Variants in FYB1 observed in about 807,000 individuals in gnomAD.
FYB1 encodes FYN binding protein 1.
In FYB1, 41 loss-of-function variants were observed where a neutral mutation model predicts 94.1. The observed-to-expected ratio is 0.44, with a 90% CI of 0.34 to 0.57. FYB1 has a LOEUF of 0.57. FYB1 is among the 20% of genes least tolerant of loss of function. The pLI, the probability that FYB1 is intolerant of heterozygous loss-of-function variation, is 0.02. For missense variants in FYB1, 1,050 were observed against 976.8 expected (o/e 1.07, Z -1.00); for synonymous variants, 367 against 353.2 (o/e 1.04, Z -0.44).
At chr5:39,113,440 C>T (rs1035152837) in intron 16 of FYB1, among the ~76,000 whole-genome samples, 1 of 151,980 alleles carries the variant, frequency 6.6e-6, no homozygotes, top group African/African-American at 2.4e-5. Flanking sequence ...CGGCTTGAAA[C>T]AAATGTTTTG....
intron 1 of FYB1, among the ~76,000 whole-genome samples, chr5:39,207,380 T>C (rs1402053982): frequency 6.6e-6 from 1 of 152,202 alleles, no homozygotes; most frequent in Non-Finnish European, 1.5e-5. Context: ...ATTATGTCTC[T>C]TCAGTGGTAT....
intron 8 of FYB1, 52 bp downstream of exon 8, chr5:39,134,803 A>G (rs188013023): frequency 1.1e-5 from 18 of 1,591,116 alleles, no homozygotes; most frequent in Admixed American, 6.7e-5. Context: ...TGTACATTGA[A>G]TATTGCCTCG....
chr5:39,121,578 C>G (rs1483727271), intron 14 of FYB1, among the ~76,000 whole-genome samples: 1 of 152,050 alleles, frequency 6.6e-6, no homozygotes, highest in Non-Finnish European at 1.5e-5. Context: ...AGTCATCTTT[C>G]TTTTCTCTTG....
intron 3 of FYB1, among the ~76,000 whole-genome samples, chr5:39,151,169 G>T (rs1440757657): frequency 6.6e-6 from 1 of 152,128 alleles, no homozygotes; most frequent in African/African-American, 2.4e-5. Context: ...CTCTCAAGCA[G>T]CAACATGCTG....
intron 1 of FYB1, among the ~76,000 whole-genome samples, chr5:39,238,281 G>A (rs1419843793): frequency 1.3e-5 from 2 of 151,884 alleles, no homozygotes; most frequent in African/African-American, 4.8e-5. Flanking sequence ...GTGTATGTAC[G>A]TGTATGTGCA....
chr5:39,263,375 A>AT (rs569609269), intron 1 of FYB1, among the ~76,000 whole-genome samples: 196 of 147,686 alleles, frequency 1.3e-3, no homozygotes, highest in Middle Eastern at 7.0e-3. Flanking sequence ...ATAGTACAGG[A>AT]TTTTTTTTTT....
intron 1 of FYB1, among the ~76,000 whole-genome samples, chr5:39,234,676 A>T (rs1471346576): frequency 1.3e-5 from 2 of 152,210 alleles, no homozygotes; most frequent in African/African-American, 4.8e-5. Flanking sequence ...GATAAGGAAA[A>T]TGTGGCACAT....
rs572833727 is a variant in FYB1, at chr5:39,262,447, G to A, written c.-28+11956C>T. 2.6e-5 allele frequency among the ~76,000 whole-genome samples: 4 copies of A among 152,252 alleles called. No homozygotes were observed. The East Asian group carries it at 7.7e-4, about 29-fold the overall frequency. On this transcript the variant is annotated intron_variant, in intron 1 of 1. Transcript: ENST00000510188. The stretch of plus-strand genomic sequence containing the variant: ...AAAACTAAAACAATAATGAAGTACA[G>A]TTTTACGTGTAACAAATTGTCAAAA...
At chr5:39,240,205 A>G (rs1751143600) in intron 1 of FYB1, among the ~76,000 whole-genome samples, 1 of 152,214 alleles carries the variant, frequency 6.6e-6, no homozygotes. Flanking sequence ...TGTAAAACCT[A>G]AAACCATAAA....
At chr5:39,131,775 C>A (rs1741222024) in intron 9 of FYB1, among the ~76,000 whole-genome samples, 2 of 152,196 alleles carry the variant, frequency 1.3e-5, no homozygotes, top group South Asian at 4.1e-4. Context: ...GGCTGCCACT[C>A]TTGGCAGATA....
intron 2 of FYB1, among the ~76,000 whole-genome samples, chr5:39,194,219 G>C (rs997645083): frequency 3.9e-5 from 6 of 152,122 alleles, no homozygotes; most frequent in African/African-American, 1.4e-4. Context: ...CATGTAGACT[G>C]CTTATAAAAA....
At chr5:39,261,125 A>G (rs557226482) in intron 1 of FYB1, among the ~76,000 whole-genome samples, 3 of 152,128 alleles carry the variant, frequency 2.0e-5, no homozygotes, top group South Asian at 2.1e-4. Flanking sequence ...GAGTTGAACA[A>G]TGAGAACATA....
chr5:39,212,197 A>G lies in FYB1; in HGVS notation c.-28+7246T>C, dbSNP rs568265877. Among the ~76,000 whole-genome samples the G allele has an allele frequency of 2.0e-5, 3 of 152,140 alleles. No individual in the cohort carries two copies. In the South Asian group the frequency reaches 6.2e-4, roughly 32 times the overall value. On this transcript the variant is annotated intron_variant, in intron 1 of 18. Transcript: ENST00000512982. ...GTGGTGAGTGCCTGTAGTCCTAGCT[A>G]CTCTGGAGGCTGGGGTGGGATGATT...
At chr5:39,161,281 C>A (rs1744226661) in intron 2 of FYB1, among the ~76,000 whole-genome samples, 1 of 151,940 alleles carries the variant, frequency 6.6e-6, no homozygotes, top group African/African-American at 2.4e-5. Context: ...TTCTTTTGTC[C>A]TTTTTCCATT....
At chr5:39,156,666 C>A (rs1743791145) in intron 2 of FYB1, among the ~76,000 whole-genome samples, 1 of 152,118 alleles carries the variant, frequency 6.6e-6, no homozygotes, top group African/African-American at 2.4e-5. Flanking sequence ...TCAAATACTG[C>A]TAGGAATACA....
intron 1 of FYB1, among the ~76,000 whole-genome samples, chr5:39,211,468 C>T (rs2150525809): frequency 6.6e-6 from 1 of 152,092 alleles, no homozygotes; most frequent in Middle Eastern, 3.4e-3. Context: ...ACTACAGGCG[C>T]CCGCCACCAC....
Position 39,137,733 on chromosome 5 carries a change from A to G in FYB1, c.1395-13T>C, listed in dbSNP as rs1333925131. On this transcript the variant is annotated splice_polypyrimidine_tract_variant and intron_variant, in intron 6 of 18. Transcript: ENST00000512982. ...TTTGGATGCTTCTCTGTGAGTAAAAATTGTTAGGTTGTTTTCACATCTGCA... is the reference window on the plus strand; with the variant it reads ...TTTGGATGCTTCTCTGTGAGTAAAAGTTGTTAGGTTGTTTTCACATCTGCA... 2 of 1,549,988 alleles carry G rather than the reference A, an allele frequency of 1.3e-6. No individual in the cohort carries two copies. Among genetic ancestry groups the G allele is most frequent in the East Asian group, 4.9e-5 (2 of 40,816 alleles).
chr5:39,106,499 C>T lies in FYB1; in HGVS notation c.*944G>A, dbSNP rs541976278. 116 of 151,908 alleles carry T rather than the reference C, an allele frequency of 7.6e-4. No homozygotes were observed. Among genetic ancestry groups the T allele is most frequent in the African/African-American group, 2.5e-3 (104 of 41,450 alleles). 9.4% of individuals were successfully genotyped at this position (151,908 alleles called of 1,614,324 possible). On this transcript the variant is annotated 3_prime_UTR_variant, in exon 19 of 19. Coordinates refer to ENST00000512982, the MANE Select transcript of FYB1 (RefSeq NM_001465.6). ...ACTAGAATTTTAATAATTTCTACTC[C>T]CTCTGCTGGCCAACTTTCCAGTAAA...
intron 2 of FYB1, among the ~76,000 whole-genome samples, chr5:39,156,381 C>T (rs1221958342): frequency 6.6e-6 from 1 of 152,138 alleles, no homozygotes; most frequent in Non-Finnish European, 1.5e-5. Flanking sequence ...CTTGAGTTGC[C>T]AGCAGCAGTC....
Sources: allele counts gnomAD v4.1 joint callset (sites outside exome capture counted in the v4.1 genomes callset), GRCh38; gene constraint gnomAD v4.1.1; transcripts MANE v1.5; gene names NCBI Gene and HGNC (gene_info 2026-07-23, HGNC 2026-07-21).